The following RBP2 variants were observed in gnomAD, a reference collection of about 807,000 sequenced individuals.
RBP2 encodes retinol binding protein 2.
In RBP2, 17 loss-of-function variants were observed where a neutral mutation model predicts 17.0. The observed-to-expected ratio is 1.00, with a 90% CI of 0.68 to 1.50. The LOEUF (loss-of-function observed/expected upper bound fraction) is 1.50. Ranked by LOEUF, RBP2 falls within the 40% of genes most tolerant of loss-of-function variation. The probability of loss-of-function intolerance (pLI) is 0.00; values close to 1 mark genes in which losing one functional copy is unlikely to be tolerated. For synonymous variants in RBP2, 48 were observed against 57.1 expected (o/e 0.84, Z 0.72); for missense variants, 158 against 168.2 (o/e 0.94, Z 0.33).
At chr3:139,465,900 C>T (rs1040977479) in intron 1 of RBP2, among the ~76,000 whole-genome samples, 1 of 152,120 alleles carries the variant, frequency 6.6e-6, no homozygotes, top group Admixed American at 6.5e-5. Flanking sequence ...GTCACATAGC[C>T]TGTGAGGCAT....
chr3:139,463,269 C>T (rs561975627), intron 1 of RBP2, among the ~76,000 whole-genome samples: 2 of 152,258 alleles, frequency 1.3e-5, no homozygotes, highest in East Asian at 3.9e-4. Context: ...CCACTATAAG[C>T]TCTGCCTCCC....
intron 1 of RBP2, among the ~76,000 whole-genome samples, chr3:139,471,636 A>G (rs954645183): frequency 2.0e-5 from 3 of 152,210 alleles, no homozygotes; most frequent in Non-Finnish European, 4.4e-5. Context: ...TAAATTTAAC[A>G]TCTAATTTTT....
intron 2 of RBP2, among the ~76,000 whole-genome samples, chr3:139,459,697 G>T (rs1933119393): frequency 6.6e-6 from 1 of 151,894 alleles, no homozygotes; most frequent in Admixed American, 6.6e-5. Flanking sequence ...CAGCTGAAGG[G>T]TTCCAGTGAA....
Position 139,454,779 on chromosome 3 carries a change from T to C in RBP2, c.304A>G (p.Lys102Glu). The change falls in exon 3 of 4, where the codon AAG (lysine) becomes GAG (glutamate). Residue 102 changes from lysine (K) to glutamate (E), a missense_variant. Physicochemically the swap from Lys to Glu is moderately conservative, Grantham distance 56. Coordinates refer to ENST00000232217, the MANE Select transcript of RBP2 (RefSeq NM_004164.3). The part of the protein sequence containing the change: ...DVLVCVQKGE[K>E]ENRGWKQWIE... ...CACTGCTTCCAGCCGCGGTTCTCCTTCTCCCCCTTTTGCACACACACAAGG... is the reference window on the plus strand; with the variant it reads ...CACTGCTTCCAGCCGCGGTTCTCCTCCTCCCCCTTTTGCACACACACAAGG... 6.2e-7 allele frequency: 1 copy of C among 1,614,128 alleles called. No homozygotes were observed. The highest frequency in any genetic ancestry group is 8.5e-7 in the Non-Finnish European group (1 of 1,180,004).
chr3:139,461,699 TA>T lies in RBP2; in HGVS notation c.252+412del, dbSNP rs564966749. On this transcript the variant is annotated intron_variant, in intron 2 of 3. Coordinates refer to ENST00000232217, the MANE Select transcript of RBP2 (RefSeq NM_004164.3). Reference sequence around the variant, plus strand: ...AAACATCTGATTTCTCTACATCTCCTAAAAAAAATCTGGCATCTTCAGGCTT... The same window carrying T: ...AAACATCTGATTTCTCTACATCTCCTAAAAAAATCTGGCATCTTCAGGCTT... Among the ~76,000 whole-genome samples, 5 of 152,196 alleles carry T rather than the reference TA, an allele frequency of 3.3e-5. No homozygotes were observed. In the East Asian group the frequency reaches 5.8e-4, roughly 18 times the overall value.
chr3:139,473,755 A>C (rs1331516746), intron 1 of RBP2, among the ~76,000 whole-genome samples: 1 of 152,198 alleles, frequency 6.6e-6, no homozygotes, highest in Non-Finnish European at 1.5e-5. Context: ...ACCTGTCTTC[A>C]ATCACTGCCA....
intron 1 of RBP2, among the ~76,000 whole-genome samples, chr3:139,464,022 T>G (rs1024605799): frequency 1.3e-5 from 2 of 152,188 alleles, no homozygotes; most frequent in African/African-American, 4.8e-5. Context: ...AACACTATAT[T>G]GTGGCCATGA....
At chr3:139,462,985 C>T (rs549213690) in intron 1 of RBP2, among the ~76,000 whole-genome samples, 1 of 152,004 alleles carries the variant, frequency 6.6e-6, no homozygotes, top group African/African-American at 2.4e-5. Flanking sequence ...AGGTGCACAC[C>T]ACCATACCCA....
At chr3:139,463,246 G>A (rs1427529818) in intron 1 of RBP2, among the ~76,000 whole-genome samples, 2 of 151,812 alleles carry the variant, frequency 1.3e-5, no homozygotes, top group East Asian at 1.9e-4. Flanking sequence ...GAGTGCAGTG[G>A]TGCAATCTTG....
intron 1 of RBP2, among the ~76,000 whole-genome samples, chr3:139,473,913 C>T (rs773049152): frequency 2.0e-5 from 3 of 152,200 alleles, no homozygotes; most frequent in Non-Finnish European, 4.4e-5. Flanking sequence ...AGACACTGGG[C>T]TGTCAGCATC....
chr3:139,461,150 G>A (rs556233255), intron 2 of RBP2, among the ~76,000 whole-genome samples: 154 of 152,284 alleles, frequency 1.0e-3, no homozygotes, highest in Admixed American at 1.2e-3. Context: ...GAGCAGGAGG[G>A]CTGGTTACTG....
At chr3:139,472,125 T>G (rs1933588307) in intron 1 of RBP2, among the ~76,000 whole-genome samples, 2 of 152,214 alleles carry the variant, frequency 1.3e-5, no homozygotes, top group South Asian at 4.1e-4. Context: ...ACTCCTGTTC[T>G]TCCTTCAAAG....
intron 2 of RBP2, among the ~76,000 whole-genome samples, chr3:139,459,883 CAA>C (rs1446193091): frequency 6.6e-6 from 1 of 151,708 alleles, no homozygotes; most frequent in East Asian, 1.9e-4. Context: ...CTAGTGAAGG[CAA>C]AGAGGAGGCA....
intron 1 of RBP2, among the ~76,000 whole-genome samples, chr3:139,470,687 TC>T (rs1393275248): frequency 5.3e-5 from 8 of 151,444 alleles, no homozygotes; most frequent in Non-Finnish European, 4.4e-5. Context: ...CAAGTGATTC[TC>T]CCCCCTCAGC....
intron 1 of RBP2, among the ~76,000 whole-genome samples, chr3:139,464,572 G>T (rs1244816380): frequency 6.6e-6 from 1 of 152,182 alleles, no homozygotes; most frequent in Non-Finnish European, 1.5e-5. Context: ...ACAGCTGCAT[G>T]AGAAAGGGCC....
At chr3:139,462,744 T>TCA (rs1933236393) in intron 1 of RBP2, among the ~76,000 whole-genome samples, 1 of 152,234 alleles carries the variant, frequency 6.6e-6, no homozygotes, top group African/African-American at 2.4e-5. Context: ...AAACTTTTGT[T>TCA]AATGTCCACA....
At chr3:139,454,665 C>T in intron 3 of RBP2, 64 bp downstream of exon 3, 3 of 1,509,664 alleles carry the variant, frequency 2.0e-6, no homozygotes, top group Non-Finnish European at 2.8e-6. Context: ...AAACACCTGG[C>T]TAGGTGACCA....
chr3:139,467,882 G>A (rs1274984912), intron 1 of RBP2, among the ~76,000 whole-genome samples: 1 of 152,132 alleles, frequency 6.6e-6, no homozygotes, highest in Non-Finnish European at 1.5e-5. Context: ...TGTCCCATAG[G>A]CATTTTATCC....
At chr3:139,463,851 A>G (rs1046480592) in intron 1 of RBP2, among the ~76,000 whole-genome samples, 15 of 152,260 alleles carry the variant, frequency 9.9e-5, no homozygotes, top group African/African-American at 3.4e-4. Flanking sequence ...GAAGGTTTTA[A>G]AAAACCTAGA....
Sources: allele counts gnomAD v4.1 joint callset (sites outside exome capture counted in the v4.1 genomes callset), GRCh38; gene constraint gnomAD v4.1.1; transcripts MANE v1.5; gene names NCBI Gene and HGNC (gene_info 2026-07-23, HGNC 2026-07-21).